Variants in CLDN14 observed in about 807,000 individuals in gnomAD.
CLDN14 encodes claudin-14.
In CLDN14, 2 loss-of-function variants were observed where a neutral mutation model predicts 2.1. The observed-to-expected ratio is 0.96, with a 90% CI of 0.39 to 3.01. The LOEUF is 3.01. CLDN14 is among the 30% of genes most tolerant of loss of function. CLDN14 has a pLI of 0.09. For missense variants in CLDN14, 298 were observed against 328.0 expected, an observed-to-expected ratio of 0.91 and a Z score of 0.71; for synonymous variants, 136 against 154.4, an observed-to-expected ratio of 0.88 and a Z score of 0.88.
At chr21:36,466,334 A>G (rs990905880) in intron 1 of CLDN14, 2 of 152,206 alleles carry the variant, frequency 1.3e-5, no homozygotes, top group Non-Finnish European at 2.9e-5. Flanking sequence ...CGAGACGGGT[A>G]ATTTATAAAG....
intron 1 of CLDN14, chr21:36,526,478 T>C (rs924040169): frequency 1.3e-5 from 2 of 152,122 alleles, no homozygotes; most frequent in Non-Finnish European, 2.9e-5. Flanking sequence ...TCTTCAAATC[T>C]CTTTTTAAAT....
intron 1 of CLDN14, chr21:36,510,550 C>T (rs1669290039): frequency 6.6e-6 from 1 of 152,278 alleles, no homozygotes; most frequent in Non-Finnish European, 1.5e-5. Flanking sequence ...CATAAACTCT[C>T]AGGAGCAGTT....
chr21:36,573,279 T>A (rs892213901), intron 1 of CLDN14, among the ~76,000 whole-genome samples: 2 of 131,072 alleles, frequency 1.5e-5, no homozygotes, highest in East Asian at 4.5e-4. Flanking sequence ...CCAGCCTGGG[T>A]GACAGAGCAA....
chr21:36,541,499 G>A (rs1008014365), intron 1 of CLDN14, among the ~76,000 whole-genome samples: 1 of 152,150 alleles, frequency 6.6e-6, no homozygotes. Flanking sequence ...AGGGAAAGTT[G>A]AGTTTTATAA....
rs531380850 is a variant in CLDN14, at chr21:36,496,195, GGA to G, written c.-82+14166_-82+14167del. 3.3e-5 allele frequency among the ~76,000 whole-genome samples: 5 copies of G among 152,190 alleles called. No homozygotes were observed. In the East Asian group the frequency reaches 9.7e-4, roughly 29 times the overall value. On this transcript the variant is annotated intron_variant, in intron 2 of 2. Transcript: ENST00000342108. ...AAATGCCTGTAATTCCAGCACTTTG[GGA>G]GGCTGAGGAAGGAGGATCATTGGAG...
rs1050936526 is a variant in CLDN14, at chr21:36,536,007, T to G, written c.-219-25507A>C. ...CTCACTGCAACACCATCTGTAAACG[T>G]TCTCCAGGGGAGGAGAACGCAGCCC... On this transcript the variant is annotated intron_variant, in intron 1 of 2. Transcript: ENST00000342108. Among the ~76,000 whole-genome samples, 3 of 152,172 alleles carry G rather than the reference T, an allele frequency of 2.0e-5. No individual in the cohort carries two copies. In the East Asian group the frequency reaches 5.8e-4, roughly 29 times the overall value.
intron 2 of CLDN14, among the ~76,000 whole-genome samples, chr21:36,490,385 A>AT (rs71198817): frequency 0.15 from 15,374 of 102,050 alleles, 1,763 homozygotes; most frequent in African/African-American, 0.28. Context: ...TTTTTTTTTA[A>AT]TTTTTTTTTT....
intron 2 of CLDN14, chr21:36,486,225 C>T: frequency 1.1e-6 from 1 of 891,996 alleles, no homozygotes; most frequent in East Asian, 2.4e-5. Flanking sequence ...CCAAACTCTG[C>T]TCCTGCAGGG....
At chr21:36,521,808 G>A (rs1487751580) in intron 1 of CLDN14, among the ~76,000 whole-genome samples, 1 of 152,144 alleles carries the variant, frequency 6.6e-6, no homozygotes, top group Non-Finnish European at 1.5e-5. Flanking sequence ...GCAATAGAAA[G>A]AGGACTCAGG....
At chr21:36,541,901 C>A (rs550421696) in intron 1 of CLDN14, among the ~76,000 whole-genome samples, 31 of 152,244 alleles carry the variant, frequency 2.0e-4, no homozygotes, top group Non-Finnish European at 3.4e-4. Context: ...TTACCCCCCC[C>A]CAATCATGTG....
chr21:36,475,595 G>T (rs1169231093), intron 1 of CLDN14, among the ~76,000 whole-genome samples: 2 of 152,130 alleles, frequency 1.3e-5, no homozygotes, highest in Non-Finnish European at 2.9e-5. Flanking sequence ...CTGTTGGCCA[G>T]GCTGGAGTGC....
intron 1 of CLDN14, among the ~76,000 whole-genome samples, chr21:36,465,306 G>C (rs183835612): frequency 6.6e-6 from 1 of 152,232 alleles, no homozygotes; most frequent in African/African-American, 2.4e-5. Flanking sequence ...AGCCCATTAG[G>C]CTAGGCAAGT....
chr21:36,485,067 TG>T (rs1220241758), upstream of CLDN14, among the ~76,000 whole-genome samples: 3 of 151,626 alleles, frequency 2.0e-5, no homozygotes, highest in African/African-American at 7.2e-5. Context: ...ACAAAGTCTC[TG>T]TTTCCAAATA....
At chr21:36,509,057 G>C (rs2146482898) in intron 2 of CLDN14, among the ~76,000 whole-genome samples, 1 of 152,278 alleles carries the variant, frequency 6.6e-6, no homozygotes, top group South Asian at 2.1e-4. Flanking sequence ...TTTCCTCTAG[G>C]TAAATATTGA....
chr21:36,503,179 A>AAGT (rs2087104076), intron 2 of CLDN14, among the ~76,000 whole-genome samples: 1 of 152,140 alleles, frequency 6.6e-6, no homozygotes, highest in Non-Finnish European at 1.5e-5. Context: ...TCAGCCTCCC[A>AAGT]AGTAGCTGAG....
intron 1 of CLDN14, among the ~76,000 whole-genome samples, chr21:36,566,835 C>T (rs2087676351): frequency 6.6e-6 from 1 of 152,218 alleles, no homozygotes; most frequent in Non-Finnish European, 1.5e-5. Context: ...CCTCAGCAGG[C>T]CCTGATTGCT....
intron 1 of CLDN14, among the ~76,000 whole-genome samples, chr21:36,517,782 T>G (rs2087239658): frequency 6.6e-6 from 1 of 152,154 alleles, no homozygotes. Context: ...ATTTTGGATG[T>G]TTTCATGAGG....
rs557295438 is a variant in CLDN14, at chr21:36,526,967, T to A, written c.-219-16467A>T. Among the ~76,000 whole-genome samples, 3 of 152,312 alleles carry A rather than the reference T, an allele frequency of 2.0e-5. No homozygotes were observed. In the Middle Eastern group the frequency reaches 0.01, roughly 518 times the overall value. On this transcript the variant is annotated intron_variant, in intron 1 of 2. Coordinates refer to the CLDN14 transcript ENST00000342108. ...CTCTGAGGACCATCAAAGCACTGGG[T>A]TCCCCAAAGTTTTGGCCACACTCAG...
chr21:36,546,988 C>T (rs1426113058), intron 1 of CLDN14, among the ~76,000 whole-genome samples: 1 of 152,124 alleles, frequency 6.6e-6, no homozygotes, highest in African/African-American at 2.4e-5. Context: ...GTAGAGTCAG[C>T]GATGCTGCTC....
Sources: allele counts gnomAD v4.1 joint callset (sites outside exome capture counted in the v4.1 genomes callset), GRCh38; gene constraint gnomAD v4.1.1; transcripts MANE v1.5; gene names NCBI Gene and HGNC (gene_info 2026-07-23, HGNC 2026-07-21).